Variants in PTK2 observed in about 807,000 individuals in gnomAD.
The protein encoded by PTK2 is focal adhesion kinase 1.
In PTK2, 45 loss-of-function variants were observed where a neutral mutation model predicts 150.1. The ratio of observed to expected loss-of-function variants is 0.30; its 90% CI spans 0.24 to 0.38. The LOEUF (loss-of-function observed/expected upper bound fraction) is 0.38, where lower values mean the gene tolerates loss of function less well. PTK2 is among the 10% of genes least tolerant of loss of function. The probability of loss-of-function intolerance (pLI) is 1.00; values close to 1 mark genes in which losing one functional copy is unlikely to be tolerated. For synonymous variants in PTK2, 432 were observed against 449.2 expected (o/e 0.96, Z 0.48); for missense variants, 919 against 1,307.3 (o/e 0.70, Z 4.58).
intron 1 of PTK2, among the ~76,000 whole-genome samples, chr8:140,983,514 A>G (rs76609541): frequency 0.011 from 1,642 of 152,294 alleles, 31 homozygotes; most frequent in East Asian, 0.095. Flanking sequence ...TGAAGCCCCA[A>G]TACAAACACC....
chr8:140,696,697 G>C (rs1357039524), intron 26 of PTK2, among the ~76,000 whole-genome samples: 1 of 152,036 alleles, frequency 6.6e-6, no homozygotes, highest in Admixed American at 6.6e-5. Flanking sequence ...ATGAGAAAAG[G>C]CATGAGTTAA....
intron 18 of PTK2, 24 bp from the exon 22 acceptor site, chr8:140,744,791 A>T: frequency 1.8e-5 from 18 of 999,952 alleles, no homozygotes; most frequent in East Asian, 3.0e-5. Context: ...GACCAAAAGA[A>T]AAAAAAAAAA....
intron 29 of PTK2, among the ~76,000 whole-genome samples, chr8:140,672,878 C>T (rs2100011443): frequency 6.6e-6 from 1 of 152,204 alleles, no homozygotes; most frequent in African/African-American, 2.4e-5. Context: ...GCTGTGTAAC[C>T]TTGAACAAAC....
intron 5 of PTK2, among the ~76,000 whole-genome samples, chr8:140,857,365 T>A (rs1249732778): frequency 6.6e-6 from 1 of 152,190 alleles, no homozygotes; most frequent in Non-Finnish European, 1.5e-5. Flanking sequence ...TCACACTGGC[T>A]TTTTATCAGC....
upstream of PTK2, chr8:141,001,335 T>TGAGGCGCGCGC (rs2100200194): frequency 6.8e-6 from 1 of 147,976 alleles, no homozygotes; most frequent in Non-Finnish European, 1.5e-5. Context: ...GAGGCGCGCG[T>TGAGGCGCGCGC]CCTCTCTCGG....
intron 27 of PTK2, among the ~76,000 whole-genome samples, chr8:140,682,105 G>C (rs2100017336): frequency 6.6e-6 from 1 of 152,206 alleles, no homozygotes. Context: ...TGATTCTGGA[G>C]ACTTTTACAA....
chr8:140,980,982 G>A (rs996213217), intron 1 of PTK2, among the ~76,000 whole-genome samples: 2 of 144,672 alleles, frequency 1.4e-5, no homozygotes, highest in Admixed American at 6.9e-5. Context: ...GGCTGGTCTC[G>A]AACTCTTCAC....
chr8:140,964,178 T>G (rs1373094010), intron 1 of PTK2, among the ~76,000 whole-genome samples: 1 of 152,132 alleles, frequency 6.6e-6, no homozygotes, highest in Non-Finnish European at 1.5e-5. Flanking sequence ...CACCACCCTA[T>G]GCATGAATGT....
chr8:140,882,505 A>C (rs1319823778), intron 3 of PTK2, among the ~76,000 whole-genome samples: 2 of 152,212 alleles, frequency 1.3e-5, no homozygotes, highest in Non-Finnish European at 2.9e-5. Context: ...CAAAACAATA[A>C]TTGGCTACTC....
At chr8:140,879,146 C>G (rs1480443610) in intron 4 of PTK2, 1 of 173,362 alleles carries the variant, frequency 5.8e-6, no homozygotes, top group East Asian at 1.5e-4. Context: ...TATATATATA[C>G]ATACACACAC....
intron 1 of PTK2, among the ~76,000 whole-genome samples, chr8:140,965,316 T>A (rs1431503109): frequency 6.6e-6 from 1 of 152,304 alleles, no homozygotes; most frequent in South Asian, 2.1e-4. Context: ...TACCTAGATC[T>A]TCTTCCCATT....
intron 1 of PTK2, among the ~76,000 whole-genome samples, chr8:140,961,998 A>T (rs1054645738): frequency 6.6e-6 from 1 of 152,050 alleles, no homozygotes; most frequent in Non-Finnish European, 1.5e-5. Flanking sequence ...TCATGCCTGT[A>T]ATCCCAGGCA....
At chr8:140,985,953 T>A (rs1422266658) in intron 1 of PTK2, among the ~76,000 whole-genome samples, 1 of 152,216 alleles carries the variant, frequency 6.6e-6, no homozygotes, top group Non-Finnish European at 1.5e-5. Flanking sequence ...AGGAACTCAA[T>A]CATCTGTCTA....
chr8:140,826,149 T>C (rs894968915), intron 8 of PTK2, among the ~76,000 whole-genome samples: 2 of 152,188 alleles, frequency 1.3e-5, no homozygotes, highest in Non-Finnish European at 2.9e-5. Context: ...ATGTAGCCTG[T>C]TTATGGAAAA....
chr8:140,661,545 T>A lies in PTK2; in HGVS notation c.2947-1867A>T, dbSNP rs574730499. Among the ~76,000 whole-genome samples the A allele has an allele frequency of 3.5e-3, 532 of 152,254 alleles. 7 individuals are homozygous for A. Among genetic ancestry groups the A allele is most frequent in the Middle Eastern group, 0.034 (10 of 294 alleles). On this transcript the variant is annotated intron_variant, in intron 31 of 31. Transcript: ENST00000522684. ...GAGCTCAGGGCGGGGTTCTATAAAATCAACACAGATTTGGGAGGCATCAAA... is the reference window on the plus strand; with the variant it reads ...GAGCTCAGGGCGGGGTTCTATAAAAACAACACAGATTTGGGAGGCATCAAA...
intron 1 of PTK2, among the ~76,000 whole-genome samples, chr8:140,948,987 C>A (rs1194579828): frequency 6.6e-6 from 1 of 151,760 alleles, no homozygotes; most frequent in East Asian, 1.9e-4. Flanking sequence ...TCCTGCCTCC[C>A]CTTCCACTTT....
At chr8:140,876,117 T>C (rs1046409419) in intron 4 of PTK2, among the ~76,000 whole-genome samples, 14 of 152,236 alleles carry the variant, frequency 9.2e-5, no homozygotes, top group Non-Finnish European at 7.3e-5. Flanking sequence ...TTATGTTTTA[T>C]GTGTGCGTTC....
At chr8:140,956,467 C>T (rs545750453) in intron 1 of PTK2, among the ~76,000 whole-genome samples, 4 of 152,366 alleles carry the variant, frequency 2.6e-5, no homozygotes, top group African/African-American at 9.6e-5. Context: ...CAGTACCTAA[C>T]ACTTGATAAA....
Position 140,774,412 on chromosome 8 carries a change from C to T in PTK2, c.1178-10122G>A, listed in dbSNP as rs956307656. Among the ~76,000 whole-genome samples the T allele has an allele frequency of 1.4e-4, 22 of 152,290 alleles. No individual in the cohort carries two copies. In the East Asian group the frequency reaches 2.7e-3, roughly 19 times the overall value. The stretch of plus-strand genomic sequence containing the variant: ...AGGCTAAGGAAACACTCACCACCAA[C>T]GGGTAAGACTCCTATGGAAGATGGC... On this transcript the variant is annotated intron_variant, in intron 14 of 31. Transcript: ENST00000522684.
Sources: gnomAD v4.1 joint callset for allele counts (sites outside exome capture counted in the v4.1 genomes callset) on GRCh38, gnomAD v4.1.1 for gene constraint, MANE v1.5 for transcripts, NCBI Gene and HGNC (gene_info 2026-07-23, HGNC 2026-07-21) for gene names.